The following AKAP8 variants were observed in gnomAD, a reference collection of about 807,000 sequenced individuals.
The protein encoded by AKAP8 is A-kinase anchor protein 8.
In AKAP8, 24 loss-of-function variants were observed where a neutral mutation model predicts 67.5. The observed-to-expected ratio is 0.36, with a 90% CI of 0.26 to 0.50. The LOEUF is 0.50. Ranked by LOEUF, AKAP8 falls within the 20% of genes least tolerant of loss-of-function variation. The pLI is 0.97. For synonymous variants in AKAP8, 400 were observed against 371.1 expected (o/e 1.08, Z -0.90); for missense variants, 971 against 955.9 (o/e 1.02, Z -0.21).
rs764484665 is a variant in AKAP8 at position 15,355,286 on chromosome 19, G to T, written c.1708C>A (p.Pro570Thr). The T allele has an allele frequency of 4.3e-5, 70 of 1,613,412 alleles. No individual in the cohort carries two copies. In the East Asian group the frequency reaches 9.1e-4, roughly 21 times the overall value. The change falls in exon 14 of 14, where the codon CCT (proline) becomes ACT (threonine). Residue 570 changes from proline to threonine, a missense_variant. Pro to Thr is a conservative substitution (Grantham distance 38). Transcript: ENST00000269701. ...NLGGEDKKET[P>T]EEVAADVLAE... ...AAGACGTCCGCGGCCACCTCCTCAG[G>T]TGTCTCTTTCTTATCCTCACCTCCT... is the stretch of plus-strand genomic sequence containing the variant.
Position 15,373,862 on chromosome 19 carries a change from G to A in AKAP8, c.295C>T (p.Arg99Cys), listed in dbSNP as rs749584259. 81 of 1,612,890 alleles carry A rather than the reference G, an allele frequency of 5.0e-5. No homozygotes were observed. Among genetic ancestry groups the A allele is most frequent in the Non-Finnish European group, 6.4e-5 (75 of 1,179,952 alleles). Residue 99 changes from arginine to cysteine, a missense_variant, in exon 4 of 14, where the codon CGT becomes TGT. By Grantham distance (180) the Arg-to-Cys change is radical. This residue lies in a region of AKAP8 where 763 missense variants were observed against 745.4 expected (regional missense o/e 1.02). Transcript: ENST00000269701. ...CCTTCCTTGGACATCATGTCCAAAC[G>A]CTGGTTGATCTTGGCAATGAGGGAG... ...SDSLIAKINQ[R>C]LDMMSKEGGR...
intron 1 of AKAP8, chr19:15,379,463 G>A (rs906813264): frequency 4.4e-6 from 2 of 459,230 alleles, no homozygotes; most frequent in Non-Finnish European, 3.8e-6. Flanking sequence ...AGCCCACCGC[G>A]GCGTCTGCCC....
At chr19:15,360,634 G>A (rs1294816649) in intron 12 of AKAP8, among the ~76,000 whole-genome samples, 1 of 152,192 alleles carries the variant, frequency 6.6e-6, no homozygotes, top group East Asian at 1.9e-4. Context: ...ACTATCAGGA[G>A]AATCTCAGCT....
At position 15,360,755 on chromosome 19, in the gene AKAP8, C is replaced by T. The variant is rs558223025; in HGVS notation, c.1527+93G>A. 75 of 1,448,744 alleles carry T rather than the reference C, an allele frequency of 5.2e-5. No individual in the cohort carries two copies. The South Asian group carries it at 9.5e-4, about 18-fold the overall frequency. 89.7% of individuals were successfully genotyped at this position (1,448,744 alleles called of 1,614,324 possible). ...ATAGACTTGAAACATAGCAAGAACC[C>T]CTAAAGATGTTGTTATTCCCCATAA... On this transcript the variant is annotated intron_variant, in intron 12 of 13. Transcript: ENST00000269701.
At position 15,361,753 on chromosome 19, in the gene AKAP8, T is replaced by C. The variant is rs761963157; in HGVS notation, c.1372A>G (p.Lys458Glu). 6.2e-7 allele frequency: 1 copy of C among 1,613,910 alleles called. No individual in the cohort carries two copies. The highest frequency in any genetic ancestry group is 8.5e-7 in the Non-Finnish European group (1 of 1,179,758). The change falls in exon 11 of 14, where the codon AAA becomes GAA. Residue 458 changes from lysine (K) to glutamate (E), a missense_variant. Lys to Glu is a moderately conservative substitution (Grantham distance 56). Coordinates refer to ENST00000269701, the MANE Select transcript of AKAP8 (RefSeq NM_005858.4). Reference protein sequence around the residue: ...RQELMEKETAKPKPDPFKGIG... With the variant: ...RQELMEKETAEPKPDPFKGIG... ...CCTTTGAAAGGATCTGGTTTTGGTT[T>C]TGCGGTTTCTTTCTCCATCAATTCC...
intron 13 of AKAP8, 43 bp downstream of exon 13, chr19:15,358,924 C>CT (rs778902020): frequency 9.2e-5 from 146 of 1,581,918 alleles, no homozygotes; most frequent in Non-Finnish European, 1.2e-4. Flanking sequence ...TTCATCTTCC[C>CT]TTTTGAAAGC....
chr19:15,361,870 T>C (rs773443169), intron 10 of AKAP8, 48 bp from the exon 11 acceptor site: 2 of 1,552,566 alleles, frequency 1.3e-6, no homozygotes, highest in Non-Finnish European at 1.8e-6. Flanking sequence ...GGTGGGCGCA[T>C]GTGGGCATTT....
intron 1 of AKAP8, 162 bp downstream of exon 1, chr19:15,379,551 G>A (rs1221760091): frequency 4.2e-6 from 3 of 712,028 alleles, no homozygotes; most frequent in Non-Finnish European, 6.3e-6. Flanking sequence ...CGGCGCCAAA[G>A]CCCAATGAGC....
At chr19:15,376,158 G>A (rs1967249294) in intron 2 of AKAP8, among the ~76,000 whole-genome samples, 1 of 152,260 alleles carries the variant, frequency 6.6e-6, no homozygotes, top group East Asian at 1.9e-4. Context: ...AGGCTCAAGT[G>A]AGCCTCTTGC....
chr19:15,354,991 G>A lies in AKAP8; in HGVS notation c.2003C>T (p.Ala668Val), dbSNP rs2048267732. The change falls in exon 14 of 14, where the codon GCT becomes GTT. Residue 668 changes from alanine (A) to valine (V), a missense_variant. Physicochemically the swap from Ala to Val is moderately conservative, Grantham distance 64. Coordinates refer to ENST00000269701, the MANE Select transcript of AKAP8 (RefSeq NM_005858.4). ...AEAESAQTRV[A>V]PAPAAADAEV... ...AGCATCCGCGGCAGCTGGGGCAGGA[G>A]CAACTCTGGTTTGGGCACTTTCTGC... The A allele has an allele frequency of 1.2e-6, 2 of 1,614,186 alleles. No homozygotes were observed. Among genetic ancestry groups the A allele is most frequent in the Non-Finnish European group, 1.7e-6 (2 of 1,180,040 alleles).
intron 11 of AKAP8, 30 bp downstream of exon 11, chr19:15,361,699 G>C (rs372192175): frequency 1.3e-6 from 2 of 1,583,450 alleles, no homozygotes; most frequent in African/African-American, 1.3e-5. Flanking sequence ...TACCATCCAG[G>C]AAAGCACTCA....
chr19:15,367,270 T>C lies in AKAP8; in HGVS notation c.1160+965A>G, dbSNP rs542542225. Among the ~76,000 whole-genome samples, 3 of 152,222 alleles carry C rather than the reference T, an allele frequency of 2.0e-5. No individual in the cohort carries two copies. In the South Asian group the frequency reaches 6.2e-4, roughly 32 times the overall value. ...CCAGACTGGGCGCAGTGGCTCACGC[T>C]TGTAATACCAGCACTTTGGGAGGCC... On this transcript the variant is annotated intron_variant, in intron 9 of 13. Coordinates refer to ENST00000269701, the MANE Select transcript of AKAP8 (RefSeq NM_005858.4).
In AKAP8 at chr19:15,369,567, CT is replaced by C. The variant is rs568359704; in HGVS notation, c.1072+578del. ...CTGCTGTTGCTGCAGACCCTCTGGT[CT>C]CCTGCATTGGACATGAAGAGACCTG... On this transcript the variant is annotated intron_variant, in intron 8 of 13. Transcript: ENST00000269701. The surrounding 1 kb of genome is among the most constrained non-coding windows in gnomAD (Gnocchi z 4.6). Among the ~76,000 whole-genome samples, 192 of 152,340 alleles carry C rather than the reference CT, an allele frequency of 1.3e-3. 2 individuals carry two copies. Among genetic ancestry groups the C allele is most frequent in the African/African-American group, 4.4e-3 (182 of 41,578 alleles).
chr19:15,366,052 G>T (rs1362936003), intron 9 of AKAP8, among the ~76,000 whole-genome samples: 2 of 123,978 alleles, frequency 1.6e-5, no homozygotes, highest in African/African-American at 6.0e-5. Context: ...AAAAGAAAAA[G>T]ATCCTCAGTC....
intron 13 of AKAP8, among the ~76,000 whole-genome samples, chr19:15,357,522 C>T (rs1478471471): frequency 6.7e-6 from 1 of 149,284 alleles, no homozygotes; most frequent in Non-Finnish European, 1.5e-5. Flanking sequence ...TGGGGAGGAT[C>T]TCTTGAGCTC....
At chr19:15,355,417 G>A (rs758421010) in intron 13 of AKAP8, 47 bp from the exon 14 acceptor site, 10 of 1,539,584 alleles carry the variant, frequency 6.5e-6, no homozygotes, top group Middle Eastern at 1.7e-4. Flanking sequence ...GCAGAGCTCA[G>A]GAGGCCCATG....
chr19:15,368,841 C>T (rs1308598247), intron 8 of AKAP8: 6 of 985,096 alleles, frequency 6.1e-6, no homozygotes, highest in Admixed American at 6.2e-5. Context: ...CTTGCTGGCC[C>T]GACCTCTATC....
chr19:15,365,042 G>A (rs1217862454), intron 9 of AKAP8, among the ~76,000 whole-genome samples: 2 of 152,172 alleles, frequency 1.3e-5, no homozygotes, highest in Admixed American at 6.5e-5. Flanking sequence ...AAAATGACTC[G>A]CATAGTAATC....
chr19:15,363,119 C>T (rs1165392240), intron 9 of AKAP8, among the ~76,000 whole-genome samples: 3 of 150,638 alleles, frequency 2.0e-5, no homozygotes, highest in Non-Finnish European at 4.4e-5. Context: ...CCCCTCCGCC[C>T]GGCAGCCGCC....
Sources: allele counts gnomAD v4.1 joint callset (sites outside exome capture counted in the v4.1 genomes callset), GRCh38; gene constraint gnomAD v4.1.1; regional missense constraint gnomAD v4.1.1; non-coding constraint Gnocchi (gnomAD v3.1); transcripts MANE v1.5; gene names NCBI Gene and HGNC (gene_info 2026-07-23, HGNC 2026-07-21).